The following SLC19A1 variants were observed in gnomAD, a reference collection of about 807,000 sequenced individuals.
SLC19A1 encodes reduced folate transporter.
Under a neutral mutation model 35.3 loss-of-function variants are expected in SLC19A1, and 37 were observed. That is an observed-to-expected ratio of 1.05 (90% CI 0.81 to 1.38). The LOEUF is 1.38. Ranked by LOEUF, SLC19A1 falls within the 40% of genes most tolerant of loss-of-function variation. The probability of loss-of-function intolerance (pLI) is 0.00; values close to 1 mark genes in which losing one functional copy is unlikely to be tolerated. For synonymous variants in SLC19A1, 460 were observed against 398.5 expected (o/e 1.15, Z -1.84); for missense variants, 831 against 826.9 (o/e 1.00, Z -0.06).
downstream of SLC19A1, chr21:45,509,413 TACCCGCGGCGGGAGCACCCCC>T: frequency 3.2e-6 from 5 of 1,539,886 alleles, no homozygotes; most frequent in Non-Finnish European, 4.4e-6. Context: ...CAGCAACCCC[TACCCGCGGCGGGAGCACCCCC>T]ACCCCACCGC....
chr21:45,515,011 C>T lies in SLC19A1; in HGVS notation c.*647G>A. ...CACACTTCAGAAGGACAGACAGGACCATGGAGGGCTGCCCTTAGGGTGGGA... is the reference window on the plus strand; with the variant it reads ...CACACTTCAGAAGGACAGACAGGACTATGGAGGGCTGCCCTTAGGGTGGGA... On this transcript the variant is annotated 3_prime_UTR_variant, in exon 6 of 6. Coordinates refer to ENST00000311124, the MANE Select transcript of SLC19A1 (RefSeq NM_194255.4). 6.5e-7 allele frequency: 1 copy of T among 1,531,580 alleles called. No individual in the cohort carries two copies. The highest frequency in any genetic ancestry group is 8.8e-7 in the Non-Finnish European group (1 of 1,141,600). The allele number at this position is 1,531,580 out of a possible 1,614,324, so 94.9% of individuals were successfully genotyped here. A position where few individuals can be genotyped will look rare whatever the true frequency, so the allele number is the denominator to read the frequency against.
chr21:45,521,097 G>A (rs1197915560), intron 5 of SLC19A1, among the ~76,000 whole-genome samples: 1 of 151,604 alleles, frequency 6.6e-6, no homozygotes, highest in Non-Finnish European at 1.5e-5. Flanking sequence ...TGAAGACAAA[G>A]GGAGAAGATG....
At chr21:45,522,884 C>T (rs966137009) in intron 5 of SLC19A1, among the ~76,000 whole-genome samples, 8 of 152,184 alleles carry the variant, frequency 5.3e-5, no homozygotes, top group Middle Eastern at 6.8e-3. Flanking sequence ...CATGAGGGAT[C>T]CCTGTGGGGA....
chr21:45,532,001 CCAGCAG>C lies in SLC19A1; in HGVS notation c.331_336del (p.Leu111_Leu112del). 1 of 1,610,218 alleles carries C rather than the reference CCAGCAG, an allele frequency of 6.2e-7. No homozygotes were observed. Among genetic ancestry groups the C allele is most frequent in the Non-Finnish European group, 8.5e-7 (1 of 1,179,542 alleles). ...AGCTGCATGTGCGCCACCGAGTGGC[CCAGCAG>C]CAGCAGCAGCCACACCGACACGAAG... On this transcript the variant is annotated inframe_deletion, in exon 3 of 6. Transcript: ENST00000311124.
chr21:45,506,350 C>G (rs2037203957), intron 3 of SLC19A1: 1 of 355,488 alleles, frequency 2.8e-6, no homozygotes, highest in African/African-American at 2.1e-5. Flanking sequence ...ACGGCCCCGG[C>G]TGGGGGGCAG....
intron 5 of SLC19A1, among the ~76,000 whole-genome samples, chr21:45,518,609 G>A (rs2038081941): frequency 1.3e-5 from 2 of 152,108 alleles, no homozygotes. Context: ...AATCTTGGAA[G>A]TGGCCAGAGA....
At chr21:45,510,882 A>G (rs4605457), downstream of SLC19A1, among the ~76,000 whole-genome samples, 96,417 of 149,978 alleles carry the variant, frequency 0.64, 31,793 homozygotes, top group African/African-American at 0.79. Context: ...TGGCTCCCCC[A>G]CGCTTGTTCC....
Position 45,540,828 on chromosome 21 carries a change from CT to C in SLC19A1, c.-50+1539del, listed in dbSNP as rs1249638784. Among the ~76,000 whole-genome samples, 1 of 152,168 alleles carries C rather than the reference CT, an allele frequency of 6.6e-6. No homozygotes were observed. Among genetic ancestry groups the C allele is most frequent in the Non-Finnish European group, 1.5e-5 (1 of 68,044 alleles). On this transcript the variant is annotated intron_variant, in intron 1 of 5. Coordinates refer to ENST00000311124, the MANE Select transcript of SLC19A1 (RefSeq NM_194255.4). The surrounding 1 kb of genome is among the most constrained non-coding windows in gnomAD (Gnocchi z 5.5). ...CTTCAGGAGAAGGTTGTAACAGCCC[CT>C]GCAAATCCCCGGCCCCACTGTCCAC...
At chr21:45,542,006 G>A (rs1479464109) in intron 1 of SLC19A1, among the ~76,000 whole-genome samples, 1 of 151,764 alleles carries the variant, frequency 6.6e-6, no homozygotes, top group Admixed American at 6.6e-5. Context: ...CGCGACCCCC[G>A]CGGAGACCCC....
chr21:45,555,420 G>C (rs1365121135), intron 1 of SLC19A1, among the ~76,000 whole-genome samples: 1 of 101,934 alleles, frequency 9.8e-6, no homozygotes, highest in Non-Finnish European at 2.0e-5. Flanking sequence ...GGAGAGCTGG[G>C]GGCCGTGGGG....
chr21:45,529,254 G>A (rs2077760478), intron 4 of SLC19A1, among the ~76,000 whole-genome samples: 1 of 152,238 alleles, frequency 6.6e-6, no homozygotes, highest in Admixed American at 6.5e-5. Flanking sequence ...GGAAGTACAG[G>A]GCCGGGCACA....
At chr21:45,546,747 G>A (rs2078420075), upstream of SLC19A1, among the ~76,000 whole-genome samples, 1 of 152,196 alleles carries the variant, frequency 6.6e-6, no homozygotes, top group Admixed American at 6.5e-5. Context: ...TACACTGCCT[G>A]GTCCTCATTT....
chr21:45,550,422 G>A (rs1034601527), intron 1 of SLC19A1, among the ~76,000 whole-genome samples: 7 of 152,162 alleles, frequency 4.6e-5, no homozygotes, highest in African/African-American at 1.2e-4. Flanking sequence ...CTGCCACCCC[G>A]TCCACAAGCA....
upstream of SLC19A1, among the ~76,000 whole-genome samples, chr21:45,548,731 A>G (rs189709341): frequency 1.8e-3 from 277 of 152,250 alleles, 3 homozygotes; most frequent in African/African-American, 6.2e-3. Flanking sequence ...GCGACAGAGT[A>G]AGACTCTGTC....
intron 3 of SLC19A1, chr21:45,504,412 A>T: frequency 6.2e-7 from 1 of 1,611,110 alleles, no homozygotes; most frequent in Non-Finnish European, 8.5e-7. Context: ...GTTTCCGTCC[A>T]CAGGGGGAGA....
In SLC19A1 at chr21:45,534,846, G is replaced by T. The variant is rs1226565777; in HGVS notation, c.190-2698C>A. ...GCAGGGAGGTGGCATCTGTCAGGCG[G>T]CCACGACTCTGACACGAGGACAGCC... On this transcript the variant is annotated intron_variant, in intron 2 of 5. Coordinates refer to ENST00000311124, the MANE Select transcript of SLC19A1 (RefSeq NM_194255.4). The surrounding 1 kb of genome is among the most constrained non-coding windows in gnomAD (Gnocchi z 4.2). 3.2e-5 allele frequency: 18 copies of T among 562,806 alleles called. No individual in the cohort carries two copies. In the East Asian group the frequency reaches 5.5e-4, roughly 17 times the overall value. The allele number at this position is 562,806 out of a possible 1,614,324, so 34.9% of individuals were successfully genotyped here. A position where few individuals can be genotyped will look rare whatever the true frequency, so the allele number is the denominator to read the frequency against.
intron 1 of SLC19A1, among the ~76,000 whole-genome samples, chr21:45,558,365 T>A (rs1228590035): frequency 6.6e-6 from 1 of 152,128 alleles, no homozygotes; most frequent in Non-Finnish European, 1.5e-5. Context: ...TGCTGAGAAA[T>A]CCCCAGTGGG....
chr21:45,512,452 CACCGT>C (rs2037668059), downstream of SLC19A1: 23 of 1,562,244 alleles, frequency 1.5e-5, no homozygotes, highest in Non-Finnish European at 2.0e-5. Context: ...AGGAAGCCCC[CACCGT>C]GGGCAGGGAG....
rs2038023679 is a variant in SLC19A1 at position 45,517,511 on chromosome 21, C to G, written c.1294-1371G>C. Among the ~76,000 whole-genome samples the G allele has an allele frequency of 6.6e-6, 1 of 150,774 alleles. No individual in the cohort carries two copies. Among genetic ancestry groups the G allele is most frequent in the Non-Finnish European group, 1.5e-5 (1 of 67,918 alleles). On this transcript the variant is annotated intron_variant, in intron 5 of 5. Transcript: ENST00000311124. This position sits in a 1 kb window ranked among gnomAD's most constrained non-coding sequence, Gnocchi z 4.4. ...GGAGTCAGCAGAGACCACAGGGAAG[C>G]CCAAGATGTCACCCCCAAAGCCTCA...
Sources: allele counts gnomAD v4.1 joint callset (sites outside exome capture counted in the v4.1 genomes callset), GRCh38; gene constraint gnomAD v4.1.1; non-coding constraint Gnocchi (gnomAD v3.1); transcripts MANE v1.5; gene names NCBI Gene and HGNC (gene_info 2026-07-23, HGNC 2026-07-21).